SNRNP40: variants seen among roughly 807,000 people sequenced by gnomAD.
SNRNP40 encodes the protein U5 small nuclear ribonucleoprotein 40 kDa protein.
In SNRNP40, 21 loss-of-function variants were observed where a neutral mutation model predicts 45.8. The ratio of observed to expected loss-of-function variants is 0.46; its 90% CI spans 0.32 to 0.66. The LOEUF is 0.66. Among genes scored for constraint, SNRNP40 ranks in the 30% least tolerant of loss-of-function variants. The pLI is 0.03. For synonymous variants in SNRNP40, 142 were observed against 163.8 expected (o/e 0.87, Z 1.01); for missense variants, 344 against 439.1 (o/e 0.78, Z 1.94).
At chr1:31,270,766 A>AT (rs1368167685) in intron 6 of SNRNP40, among the ~76,000 whole-genome samples, 2 of 152,194 alleles carry the variant, frequency 1.3e-5, no homozygotes, top group Non-Finnish European at 2.9e-5. Flanking sequence ...CAAGCCTATA[A>AT]TTTTGTATAC....
chr1:31,262,544 AGAG>A (rs72110472), intron 8 of SNRNP40, among the ~76,000 whole-genome samples: 10,841 of 55,472 alleles, frequency 0.2, 1,347 homozygotes, highest in African/African-American at 0.26. Context: ...AAAAAAAAAA[AGAG>A]GAGAAAAAAG....
chr1:31,259,981 G>A lies in SNRNP40; in HGVS notation c.*91C>T, dbSNP rs1412575669. On this transcript the variant is annotated 3_prime_UTR_variant, in exon 10 of 10. Transcript: ENST00000263694. The stretch of plus-strand genomic sequence containing the variant: ...TGCTAGCAATGGTCATCTGAAGGGA[G>A]GGTGCTAGCCTGGACATCCAACATT... 2.2e-6 allele frequency: 2 copies of A among 920,350 alleles called. No homozygotes were observed. Among genetic ancestry groups the A allele is most frequent in the African/African-American group, 1.6e-5 (1 of 61,372 alleles). The allele number at this position is 920,350 out of a possible 1,614,324, so 57.0% of individuals were successfully genotyped here.
At position 31,285,024 on chromosome 1, in the gene SNRNP40, T is replaced by TGAAG. The variant is rs1252800690; in HGVS notation, c.532-3529_532-3528insCTTC. 2.0e-5 allele frequency among the ~76,000 whole-genome samples: 3 copies of TGAAG among 152,310 alleles called. No individual in the cohort carries two copies. The South Asian group carries it at 6.2e-4, about 32-fold the overall frequency. On this transcript the variant is annotated intron_variant, in intron 4 of 9. Transcript: ENST00000263694. ...CTATAATCTTTGTCTCAATAGATAC[T>TGAAG]TCACTCAGGTCAAATCTATCTTTGT...
chr1:31,284,054 T>C (rs1646038390), intron 4 of SNRNP40, among the ~76,000 whole-genome samples: 1 of 152,142 alleles, frequency 6.6e-6, no homozygotes. Flanking sequence ...TGATTCCTCA[T>C]CTCTACAAAA....
At chr1:31,276,122 C>T (rs539480973) in intron 5 of SNRNP40, among the ~76,000 whole-genome samples, 26 of 152,226 alleles carry the variant, frequency 1.7e-4, no homozygotes, top group Admixed American at 8.5e-4. Context: ...GTCCCTGCCA[C>T]GGTGCTAGGA....
rs549091088 is a variant in SNRNP40, at chr1:31,289,404, T to C, written c.381A>G (p.Ala127=). Residue 127 remains alanine (A), a synonymous_variant, in exon 4 of 10, where the codon GCA becomes GCG. Transcript: ENST00000263694. ...ACACAGCCACGGTTTTATCTGTGGA[T>C]GCTGAGAAAAGCATACTAGAAAGTA... ...YNTDGSMLFS[A]STDKTVAVWD... 21 of 1,613,760 alleles carry C rather than the reference T, an allele frequency of 1.3e-5. No individual in the cohort carries two copies. In the Admixed American group the frequency reaches 2.7e-4, roughly 20 times the overall value.
At chr1:31,284,855 T>C (rs955476868) in intron 4 of SNRNP40, among the ~76,000 whole-genome samples, 2 of 152,174 alleles carry the variant, frequency 1.3e-5, no homozygotes, top group African/African-American at 2.4e-5. Flanking sequence ...AGATAAATGG[T>C]CTAAAAAGAA....
chr1:31,263,618 G>T, intron 8 of SNRNP40: 1 of 470,256 alleles, frequency 2.1e-6, no homozygotes, highest in South Asian at 1.5e-5. Context: ...GAGATTTTAT[G>T]AGCTCATCTA....
chr1:31,296,773 C>T lies in SNRNP40; in HGVS notation c.-22G>A, dbSNP rs780951081. On this transcript the variant is annotated 5_prime_UTR_variant, in exon 1 of 10. Coordinates refer to ENST00000263694, the MANE Select transcript of SNRNP40 (RefSeq NM_004814.3). ...TCATGGCGGCAACCGGTCTCTTCAGCGCCGCCACTGACCGCGCTGCCGCTC... is the reference window on the plus strand; with the variant it reads ...TCATGGCGGCAACCGGTCTCTTCAGTGCCGCCACTGACCGCGCTGCCGCTC... The T allele has an allele frequency of 4.5e-6, 7 of 1,560,988 alleles. No homozygotes were observed. Among genetic ancestry groups the T allele is most frequent in the Middle Eastern group, 1.7e-4 (1 of 5,836 alleles).
At chr1:31,270,339 T>C (rs1207921940) in intron 6 of SNRNP40, among the ~76,000 whole-genome samples, 2 of 152,152 alleles carry the variant, frequency 1.3e-5, no homozygotes, top group African/African-American at 4.8e-5. Context: ...TAAAGAACGC[T>C]AGAATTAGCT....
chr1:31,293,384 A>G, intron 1 of SNRNP40, 36 bp from the exon 2 acceptor site: 1 of 1,566,686 alleles, frequency 6.4e-7, no homozygotes, highest in Non-Finnish European at 8.6e-7. Flanking sequence ...ACTACTGCAT[A>G]CAGACAAAGG....
Position 31,261,589 on chromosome 1 carries a change from T to C in SNRNP40, c.964A>G (p.Lys322Glu), listed in dbSNP as rs762422398. The C allele has an allele frequency of 2.7e-5, 44 of 1,613,996 alleles. No individual in the cohort carries two copies. The highest frequency in any genetic ancestry group is 3.4e-5 in the Non-Finnish European group (40 of 1,179,996). ...ATGGAGCCAGCATGGCCGGGCAGCT[T>C]ATACAATATTCTCCTGCTTGTGGTA... The part of the protein sequence containing the change: ...WDTTSRRILY[K>E]LPGHAGSINE... The change falls in exon 9 of 10, where the codon AAG (lysine) becomes GAG (glutamate). Residue 322 changes from lysine (K) to glutamate (E), a missense_variant. Lys to Glu is a moderately conservative substitution (Grantham distance 56). Around this residue, in one of 2 missense-constraint regions of SNRNP40, gnomAD observed 254 missense variants for 380.2 expected, o/e 0.67. Transcript: ENST00000263694.
At chr1:31,296,266 A>G (rs372199944) in intron 1 of SNRNP40, among the ~76,000 whole-genome samples, 25 of 152,226 alleles carry the variant, frequency 1.6e-4, no homozygotes, top group African/African-American at 6.0e-4. Context: ...TCCCTCCCTC[A>G]TTCATTCATT....
chr1:31,275,111 T>C (rs1645965989), intron 5 of SNRNP40, among the ~76,000 whole-genome samples: 1 of 152,142 alleles, frequency 6.6e-6, no homozygotes, highest in Non-Finnish European at 1.5e-5. Flanking sequence ...ATTAGCCCTC[T>C]AGAGATAGAG....
chr1:31,284,723 C>G (rs927309129), intron 4 of SNRNP40, among the ~76,000 whole-genome samples: 2 of 152,236 alleles, frequency 1.3e-5, no homozygotes, highest in Non-Finnish European at 2.9e-5. Context: ...CTGTAGTCAA[C>G]AAGGAGAGTC....
intron 4 of SNRNP40, chr1:31,282,453 C>T (rs1035507892): frequency 8.7e-5 from 13 of 149,406 alleles, no homozygotes; most frequent in Admixed American, 6.1e-4. Flanking sequence ...CGAAAAGCAC[C>T]GACATATTCC....
chr1:31,289,532 C>A, intron 3 of SNRNP40, 113 bp from the exon 4 acceptor site: 1 of 863,224 alleles, frequency 1.2e-6, no homozygotes. Context: ...ACCTGCTGTG[C>A]TACGCCAGTT....
At chr1:31,294,885 T>C (rs1569681143) in intron 1 of SNRNP40, among the ~76,000 whole-genome samples, 1 of 147,056 alleles carries the variant, frequency 6.8e-6, no homozygotes, top group Non-Finnish European at 1.5e-5. Context: ...GAGGTTGCGG[T>C]GCACCGAGAT....
chr1:31,282,617 T>TCTA (rs1557678158), intron 4 of SNRNP40: 28 of 132,700 alleles, frequency 2.1e-4, no homozygotes, highest in African/African-American at 6.8e-4. Flanking sequence ...CTATCTATCT[T>TCTA]TCTATCATCT....
Sources: allele counts gnomAD v4.1 joint callset (sites outside exome capture counted in the v4.1 genomes callset), GRCh38; gene constraint gnomAD v4.1.1; regional missense constraint gnomAD v4.1.1; transcripts MANE v1.5; gene names NCBI Gene and HGNC (gene_info 2026-07-23, HGNC 2026-07-21).